The following KDM2A variants were observed in gnomAD, a reference collection of about 807,000 sequenced individuals.
KDM2A encodes the protein lysine-specific demethylase 2A.
A neutral mutation model predicts 137.3 loss-of-function variants in KDM2A; 3 were observed. The observed-to-expected ratio is 0.02, with a 90% CI of 0.01 to 0.06. KDM2A has a LOEUF of 0.06. KDM2A is among the 10% of genes least tolerant of loss of function. The probability of loss-of-function intolerance (pLI) is 1.00; values close to 1 mark genes in which losing one functional copy is unlikely to be tolerated. For missense variants in KDM2A, 738 were observed against 1,510.6 expected (o/e 0.49, Z 8.48); for synonymous variants, 512 against 541.5 (o/e 0.95, Z 0.76).
At chr11:67,147,308 C>T (rs1432053438) in intron 2 of KDM2A, among the ~76,000 whole-genome samples, 3 of 151,734 alleles carry the variant, frequency 2.0e-5, no homozygotes, top group South Asian at 2.1e-4. Context: ...TTTGGGAGGC[C>T]GAGGCGGGCC....
At chr11:67,201,445 G>A (rs1414618521) in intron 5 of KDM2A, among the ~76,000 whole-genome samples, 2 of 151,762 alleles carry the variant, frequency 1.3e-5, no homozygotes, top group African/African-American at 4.8e-5. Context: ...TTTGAGACCA[G>A]CCTGGGAAAC....
At chr11:67,146,492 TTCTC>T (rs1044707229) in intron 2 of KDM2A, among the ~76,000 whole-genome samples, 2 of 152,002 alleles carry the variant, frequency 1.3e-5, no homozygotes, top group Admixed American at 6.6e-5. Context: ...CTGTGACAGA[TTCTC>T]TCTCTTTGTC....
chr11:67,236,089 A>G (rs1024855126), intron 12 of KDM2A, among the ~76,000 whole-genome samples: 3 of 152,228 alleles, frequency 2.0e-5, no homozygotes, highest in African/African-American at 7.2e-5. Flanking sequence ...GCCTGCTAAT[A>G]GCAGGGCACA....
Position 67,252,758 on chromosome 11 carries a change from G to T in KDM2A, c.2833G>T (p.Ala945Ser). Residue 945 changes from alanine to serine, a missense_variant, in exon 18 of 21, where the codon GCC becomes TCC. Physicochemically the swap from Ala to Ser is moderately conservative, Grantham distance 99. Transcript: ENST00000529006. ...LSRCKAIVPQ[A>S]LSGIIKRQPV... Reference sequence around the variant, plus strand: ...TAGGTGTAAGGCCATTGTGCCCCAGGCCCTCAGTGGCATCATCAAGAGGCA... The same window carrying T: ...TAGGTGTAAGGCCATTGTGCCCCAGTCCCTCAGTGGCATCATCAAGAGGCA... The T allele has an allele frequency of 6.2e-7, 1 of 1,613,954 alleles. No homozygotes were observed. The highest frequency in any genetic ancestry group is 8.5e-7 in the Non-Finnish European group (1 of 1,179,866).
Position 67,119,907 on chromosome 11 carries a change from C to G in KDM2A, c.-226C>G, listed in dbSNP as rs929709459. On this transcript the variant is annotated 5_prime_UTR_variant, in exon 1 of 21. Transcript: ENST00000529006. ...GTTTGATTCAGCAACTGTTTGCTCCCTTTTCCTGGTCGCTCTGACCCTCTC... is the reference window on the plus strand; with the variant it reads ...GTTTGATTCAGCAACTGTTTGCTCCGTTTTCCTGGTCGCTCTGACCCTCTC... 11 of 152,240 alleles carry G rather than the reference C, an allele frequency of 7.2e-5. No homozygotes were observed. 9.4% of individuals were successfully genotyped at this position (152,240 alleles called of 1,614,324 possible).
intron 6 of KDM2A, among the ~76,000 whole-genome samples, chr11:67,211,030 C>G (rs545615838): frequency 6.6e-6 from 1 of 152,236 alleles, no homozygotes; most frequent in African/African-American, 2.4e-5. Context: ...ACACTCCAGC[C>G]TGGGTGACAG....
In KDM2A at chr11:67,245,742, C is replaced by T. The variant is rs1443287252; in HGVS notation, c.1834-243C>T. ...CCCTCTTCAGGTAGATTAGAAAGGA[C>T]CGGGGAGGCCAAGTATAGGCCAACT... is the stretch of plus-strand genomic sequence containing the variant. On this transcript the variant is annotated intron_variant, in intron 14 of 20. Transcript: ENST00000529006. This position sits in a 1 kb window ranked among gnomAD's most constrained non-coding sequence, Gnocchi z 4.1. The T allele has an allele frequency of 8.4e-6, 5 of 598,802 alleles. No individual in the cohort carries two copies. The highest frequency in any genetic ancestry group is 1.4e-5 in the Non-Finnish European group (5 of 345,182). The allele number at this position is 598,802 out of a possible 1,614,324, so 37.1% of individuals were successfully genotyped here.
At chr11:67,129,110 GAC>G (rs1855794136) in intron 2 of KDM2A, among the ~76,000 whole-genome samples, 2 of 152,168 alleles carry the variant, frequency 1.3e-5, no homozygotes, top group Admixed American at 6.5e-5. Flanking sequence ...TAGAATGGAG[GAC>G]ACTTTGGCAG....
At chr11:67,143,655 T>C (rs192644437) in intron 2 of KDM2A, among the ~76,000 whole-genome samples, 115 of 151,872 alleles carry the variant, frequency 7.6e-4, no homozygotes, top group Non-Finnish European at 1.4e-3. Flanking sequence ...TTTTTTGAGA[T>C]AGGGTCTCAC....
At chr11:67,187,921 A>G (rs1590761376) in intron 5 of KDM2A, among the ~76,000 whole-genome samples, 1 of 151,052 alleles carries the variant, frequency 6.6e-6, no homozygotes, top group Admixed American at 6.6e-5. Context: ...GGGGCCTGGT[A>G]TGGTGCCTCA....
At chr11:67,251,125 A>G (rs1190833186) in intron 17 of KDM2A, among the ~76,000 whole-genome samples, 2 of 152,066 alleles carry the variant, frequency 1.3e-5, no homozygotes, top group Non-Finnish European at 2.9e-5. Flanking sequence ...TTCCTCCTCA[A>G]GTCAGCTGAA....
chr11:67,168,354 G>T (rs1280179497), intron 2 of KDM2A, among the ~76,000 whole-genome samples: 1 of 151,860 alleles, frequency 6.6e-6, no homozygotes, highest in Non-Finnish European at 1.5e-5. Flanking sequence ...TTCCTACTGG[G>T]CTTCAATAAC....
chr11:67,231,647 G>C lies in KDM2A; in HGVS notation c.1166G>C (p.Arg389Pro). 1 of 1,613,484 alleles carries C rather than the reference G, an allele frequency of 6.2e-7. No homozygotes were observed. The highest frequency in any genetic ancestry group is 8.5e-7 in the Non-Finnish European group (1 of 1,179,654). The part of the protein sequence containing the change: ...DREPRRLSSR[R>P]SVLTSPVANG... The stretch of plus-strand genomic sequence containing the variant: ...GAACCCCGACGCTTGAGCAGCAGGC[G>C]TTCTGTCCTCACTAGCCCTGTAGCG... Residue 389 changes from arginine to proline, a missense_variant, in exon 12 of 21, where the codon CGT becomes CCT. Physicochemically the swap from Arg to Pro is moderately radical, Grantham distance 103 (BLOSUM62 -2). Transcript: ENST00000529006.
intron 2 of KDM2A, among the ~76,000 whole-genome samples, chr11:67,156,492 C>T (rs932665817): frequency 6.6e-5 from 10 of 150,978 alleles, no homozygotes; most frequent in South Asian, 2.1e-4. Context: ...GCGAGGTGGG[C>T]GGATCACGAG....
intron 2 of KDM2A, among the ~76,000 whole-genome samples, chr11:67,122,921 C>T (rs1456918010): frequency 2.6e-5 from 4 of 151,892 alleles, no homozygotes; most frequent in Admixed American, 2.0e-4. Flanking sequence ...GTGATCTGCC[C>T]GCCTCGGCCA....
At chr11:67,239,911 T>C (rs918879989) in intron 12 of KDM2A, 13 of 379,176 alleles carry the variant, frequency 3.4e-5, no homozygotes, top group Non-Finnish European at 5.2e-5. Flanking sequence ...TGAGCTCTCC[T>C]CCCTGGCAGG....
intron 10 of KDM2A, among the ~76,000 whole-genome samples, chr11:67,225,790 C>G (rs1456802114): frequency 6.6e-6 from 1 of 150,982 alleles, no homozygotes; most frequent in African/African-American, 2.4e-5. Context: ...AATAGCTGGG[C>G]ACGGTGGCTC....
At chr11:67,213,622 G>A (rs536000020) in intron 6 of KDM2A, among the ~76,000 whole-genome samples, 52 of 151,892 alleles carry the variant, frequency 3.4e-4, no homozygotes, top group Non-Finnish European at 7.4e-4. Context: ...AGTTAGGTGC[G>A]GTGGCGGGTG....
intron 17 of KDM2A, chr11:67,252,372 A>G: frequency 2.9e-6 from 1 of 340,944 alleles, no homozygotes; most frequent in Non-Finnish European, 5.7e-6. Context: ...CCATTTTAAT[A>G]CAGATGAAGG....
Sources: gnomAD v4.1 joint callset for allele counts (sites outside exome capture counted in the v4.1 genomes callset) on GRCh38, gnomAD v4.1.1 for gene constraint, Gnocchi (gnomAD v3.1) non-coding constraint, MANE v1.5 for transcripts, NCBI Gene and HGNC (gene_info 2026-07-23, HGNC 2026-07-21) for gene names.